The following NAV2 variants were observed in gnomAD, a reference collection of about 807,000 sequenced individuals.
The protein encoded by NAV2 is neuron navigator 2, also known as helicase, APC down-regulated 1.
In NAV2, 54 loss-of-function variants were observed where a neutral mutation model predicts 223.2. That is an observed-to-expected ratio of 0.24 (90% CI 0.19 to 0.30). The LOEUF (loss-of-function observed/expected upper bound fraction) is 0.30, where lower values mean the gene tolerates loss of function less well. NAV2 is among the 10% of genes least tolerant of loss of function. The pLI is 1.00. For missense variants in NAV2, 2,806 were observed against 3,147.5 expected, an observed-to-expected ratio of 0.89 and a Z score of 2.60; for synonymous variants, 1,279 against 1,239.3, an observed-to-expected ratio of 1.03 and a Z score of -0.67.
At chr11:19,932,958 G>A (rs975653938) in intron 6 of NAV2, among the ~76,000 whole-genome samples, 4 of 152,228 alleles carry the variant, frequency 2.6e-5, no homozygotes, top group African/African-American at 9.6e-5. Context: ...CCACCAAAAT[G>A]TGATGGGGTT....
At chr11:19,522,589 A>T (rs2043701436) in intron 1 of NAV2, among the ~76,000 whole-genome samples, 2 of 152,126 alleles carry the variant, frequency 1.3e-5, no homozygotes, top group Admixed American at 6.5e-5. Flanking sequence ...TCACCACTGG[A>T]GTGCCACTGG....
At chr11:20,037,250 C>T (rs1564896545) in intron 12 of NAV2, among the ~76,000 whole-genome samples, 1 of 146,894 alleles carries the variant, frequency 6.8e-6, no homozygotes, top group Admixed American at 7.0e-5. Flanking sequence ...CTAGCACTGC[C>T]CCGTCTTTCA....
intron 1 of NAV2, among the ~76,000 whole-genome samples, chr11:19,781,996 G>A (rs2056787540): frequency 6.6e-6 from 1 of 152,064 alleles, no homozygotes; most frequent in Non-Finnish European, 1.5e-5. Context: ...TCACATGAAA[G>A]TATTACCACC....
chr11:19,799,107 A>C (rs1021536289), intron 1 of NAV2, among the ~76,000 whole-genome samples: 3 of 152,022 alleles, frequency 2.0e-5, no homozygotes, highest in Admixed American at 1.3e-4. Context: ...GTCCTAACAG[A>C]AGAGTGGCAT....
At chr11:19,615,434 A>G (rs964113310) in intron 1 of NAV2, among the ~76,000 whole-genome samples, 3 of 152,034 alleles carry the variant, frequency 2.0e-5, no homozygotes, top group African/African-American at 4.8e-5. Context: ...GTCTTAGGCA[A>G]TGTCTAACAG....
chr11:19,885,619 T>C (rs1304623893), intron 5 of NAV2, among the ~76,000 whole-genome samples: 1 of 152,246 alleles, frequency 6.6e-6, no homozygotes, highest in East Asian at 1.9e-4. Flanking sequence ...TTGTTTAAAT[T>C]AATGAAGTAT....
At chr11:19,879,253 G>A (rs140609856) in intron 4 of NAV2, among the ~76,000 whole-genome samples, 430 of 152,228 alleles carry the variant, frequency 2.8e-3, no homozygotes, top group African/African-American at 1.0e-2. Flanking sequence ...ACAAAAATTT[G>A]TTCCCACTCT....
intron 6 of NAV2, among the ~76,000 whole-genome samples, chr11:19,894,265 C>T (rs1012651149): frequency 2.0e-5 from 3 of 152,122 alleles, no homozygotes; most frequent in Non-Finnish European, 2.9e-5. Context: ...TGATTAATAC[C>T]GTGCTTTCCC....
At chr11:20,086,836 G>C (rs1415446780) in intron 26 of NAV2, among the ~76,000 whole-genome samples, 1 of 152,094 alleles carries the variant, frequency 6.6e-6, no homozygotes, top group Non-Finnish European at 1.5e-5. Flanking sequence ...GAGACACAGA[G>C]GGGGGCAGAG....
At chr11:19,711,724 T>A (rs1029325894), upstream of NAV2, 1 of 152,218 alleles carries the variant, frequency 6.6e-6, no homozygotes, top group African/African-American at 2.4e-5. Context: ...AAAGCAGCAG[T>A]AATTTAACAA....
chr11:19,551,271 G>A (rs539756327), intron 1 of NAV2, among the ~76,000 whole-genome samples: 87 of 152,384 alleles, frequency 5.7e-4, no homozygotes, highest in African/African-American at 1.6e-3. Flanking sequence ...TTGAGATCAA[G>A]TTCCATGTCT....
intron 6 of NAV2, among the ~76,000 whole-genome samples, chr11:19,903,780 A>G (rs538142374): frequency 6.6e-6 from 1 of 152,174 alleles, no homozygotes. Flanking sequence ...ATTCTCAGGC[A>G]CTGTGCTTGG....
chr11:19,555,988 A>G (rs2044875202), intron 1 of NAV2, among the ~76,000 whole-genome samples: 1 of 151,778 alleles, frequency 6.6e-6, no homozygotes, highest in African/African-American at 2.4e-5. Context: ...CTGCCCTCCC[A>G]TTTATCTTTC....
At chr11:20,116,518 G>A (rs935647721) in intron 37 of NAV2, among the ~76,000 whole-genome samples, 2 of 152,130 alleles carry the variant, frequency 1.3e-5, no homozygotes, top group Non-Finnish European at 2.9e-5. Context: ...TTTTTTGCAG[G>A]GGCAAACTCA....
chr11:19,618,837 C>T (rs889220192), intron 1 of NAV2, among the ~76,000 whole-genome samples: 4 of 151,636 alleles, frequency 2.6e-5, no homozygotes, highest in Non-Finnish European at 5.9e-5. Flanking sequence ...AAGATGGCCT[C>T]TCTGGGACCC....
intron 1 of NAV2, among the ~76,000 whole-genome samples, chr11:19,393,010 C>T (rs1849308184): frequency 1.3e-5 from 2 of 152,216 alleles, no homozygotes; most frequent in Non-Finnish European, 2.9e-5. Flanking sequence ...GCAAACAGTA[C>T]TGATGTCACT....
chr11:19,682,372 A>G (rs2048904215), intron 1 of NAV2, among the ~76,000 whole-genome samples: 1 of 152,204 alleles, frequency 6.6e-6, no homozygotes, highest in African/African-American at 2.4e-5. Flanking sequence ...AGCCTTAGAG[A>G]AGTTCGTAAA....
At chr11:19,488,581 A>G (rs910465552) in intron 1 of NAV2, among the ~76,000 whole-genome samples, 5 of 152,222 alleles carry the variant, frequency 3.3e-5, no homozygotes, top group Non-Finnish European at 5.9e-5. Flanking sequence ...GAGTGATTTC[A>G]TAAATCATCA....
At position 19,556,670 on chromosome 11, in the gene NAV2, C is replaced by T. The variant is rs146409133; in HGVS notation, c.75+205643C>T. 1.2e-3 allele frequency among the ~76,000 whole-genome samples: 189 copies of T among 152,240 alleles called. No individual in the cohort carries two copies. The South Asian group carries it at 0.013, about 11-fold the overall frequency. On this transcript the variant is annotated intron_variant, in intron 1 of 37. Transcript: ENST00000360655. ...CTTCTTTTTAATACCTTAAGTAACA[C>T]GATCTAGCAGAAGATCAAATAATTA...
Sources: gnomAD v4.1 joint callset for allele counts (sites outside exome capture counted in the v4.1 genomes callset) on GRCh38, gnomAD v4.1.1 for gene constraint, MANE v1.5 for transcripts, NCBI Gene and HGNC (gene_info 2026-07-23, HGNC 2026-07-21) for gene names.